Variants in SCAMP4 observed in about 807,000 individuals in gnomAD.
SCAMP4 encodes the protein secretory carrier-associated membrane protein 4.
Under a neutral mutation model 32.1 loss-of-function variants are expected in SCAMP4, and 19 were observed. That is an observed-to-expected ratio of 0.59 (90% CI 0.41 to 0.87). The LOEUF is 0.87. Among genes scored for constraint, SCAMP4 ranks in the 40% least tolerant of loss-of-function variants. SCAMP4 has a pLI of 0.00. For missense variants in SCAMP4, 302 were observed against 309.0 expected (o/e 0.98, Z 0.17); for synonymous variants, 152 against 132.7 (o/e 1.15, Z -1.00).
Position 1,924,059 on chromosome 19 carries a change from C to T in SCAMP4, c.514-49C>T, listed in dbSNP as rs548346276. ...ACAGGCGTGAGTCCCCGTGCCCGGC[C>T]GCCATGCTCATTTTCTGTCTTCTGC... On this transcript the variant is annotated intron_variant, in intron 6 of 6. Transcript: ENST00000316097. 4.6e-5 allele frequency: 71 copies of T among 1,541,584 alleles called. 3 individuals carry two copies. In the South Asian group the frequency reaches 5.3e-4, roughly 12 times the overall value.
intron 1 of SCAMP4, chr19:1,912,067 T>G: frequency 7.0e-7 from 1 of 1,438,134 alleles, no homozygotes; most frequent in East Asian, 2.8e-5. Flanking sequence ...TGCTCCCGTC[T>G]CTGTCTCCCA....
In SCAMP4 at chr19:1,925,942, C is replaced by CT. The variant is rs1178919658; in HGVS notation, c.*1658_*1659insT. ...CCCACCCCTCCCCCGCCGTGTGTGG[C>CT]CCCTCGCCGCATCGTTGGGGTTTTG... On this transcript the variant is annotated 3_prime_UTR_variant, in exon 7 of 7. Transcript: ENST00000316097. The CT allele has an allele frequency of 2.7e-5, 3 of 109,624 alleles. No individual in the cohort carries two copies. The highest frequency in any genetic ancestry group is 5.2e-5 in the Non-Finnish European group (3 of 58,144). 6.8% of individuals were successfully genotyped at this position (109,624 alleles called of 1,614,324 possible). A position where few individuals can be genotyped will look rare whatever the true frequency, so the allele number is the denominator to read the frequency against.
In SCAMP4 at chr19:1,917,842, G is replaced by A. The variant is rs749737677; in HGVS notation, c.136+20G>A. On this transcript the variant is annotated intron_variant, in intron 3 of 6. Coordinates refer to ENST00000316097, the MANE Select transcript of SCAMP4 (RefSeq NM_079834.4). ...GGATGTGTGAGTGCGCCTGGGGGCA[G>A]GAGGCGGGAAGCGGGAGGCAGGGCT... 1 of 1,613,124 alleles carries A rather than the reference G, an allele frequency of 6.2e-7. No individual in the cohort carries two copies. The highest frequency in any genetic ancestry group is 1.1e-5 in the South Asian group (1 of 91,062).
intron 1 of SCAMP4, chr19:1,912,024 C>A: frequency 1.4e-6 from 2 of 1,417,352 alleles, no homozygotes; most frequent in Non-Finnish European, 9.2e-7. Flanking sequence ...CCCCGGCTCT[C>A]CCCCAGCCGC....
intron 5 of SCAMP4, chr19:1,921,106 T>G (rs2013906096): frequency 1.0e-6 from 1 of 985,262 alleles, no homozygotes. Flanking sequence ...CGACTTCATG[T>G]CCACCGTTGG....
chr19:1,905,552 A>C, intron 1 of SCAMP4, 113 bp downstream of exon 1: 1 of 310,348 alleles, frequency 3.2e-6, no homozygotes. Context: ...GTTTGTGGGG[A>C]GAAAACGGGG....
intron 5 of SCAMP4, chr19:1,922,729 C>G (rs1029910200): frequency 3.0e-6 from 3 of 1,009,840 alleles, no homozygotes; most frequent in Non-Finnish European, 3.5e-6. Flanking sequence ...GCCGGACTCA[C>G]TGAGGGAAAC....
chr19:1,905,908 CCATCGTTCCT>C (rs1401663285), intron 1 of SCAMP4: 3 of 152,274 alleles, frequency 2.0e-5, no homozygotes, highest in African/African-American at 4.8e-5. Flanking sequence ...CCAGAATTGA[CCATCGTTCCT>C]CATCGTTACC....
chr19:1,910,876 T>A (rs1191369148), intron 1 of SCAMP4, among the ~76,000 whole-genome samples: 2 of 148,300 alleles, frequency 1.3e-5, no homozygotes, highest in Non-Finnish European at 3.0e-5. Context: ...CGCCTGGCTT[T>A]TTTGTTGTTT....
intron 2 of SCAMP4, 109 bp downstream of exon 2, chr19:1,915,135 C>T: frequency 1.5e-6 from 2 of 1,325,824 alleles, no homozygotes; most frequent in Non-Finnish European, 2.2e-6. Context: ...GTCCTCCTGG[C>T]CCACCTGGCC....
intron 1 of SCAMP4, 127 bp downstream of exon 1, chr19:1,905,566 C>T: frequency 4.0e-6 from 1 of 248,296 alleles, no homozygotes; most frequent in South Asian, 3.3e-5. Flanking sequence ...AACGGGGGGC[C>T]CAGGCCAGCC....
intron 5 of SCAMP4, chr19:1,921,202 C>T (rs2013909492): frequency 1.0e-6 from 1 of 984,750 alleles, no homozygotes; most frequent in Non-Finnish European, 1.2e-6. Flanking sequence ...TTCACCAGCG[C>T]CACCTCCCCA....
chr19:1,912,414 G>T, intron 1 of SCAMP4: 1 of 1,513,592 alleles, frequency 6.6e-7, no homozygotes, highest in Non-Finnish European at 8.8e-7. Flanking sequence ...GCGCTCGCTG[G>T]CTGAGCTCCT....
chr19:1,921,950 A>G, intron 5 of SCAMP4: 3 of 985,482 alleles, frequency 3.0e-6, no homozygotes, highest in Non-Finnish European at 3.6e-6. Flanking sequence ...GTGCGTGCAT[A>G]TCACGCCCCG....
chr19:1,921,551 A>C, intron 5 of SCAMP4: 3 of 985,402 alleles, frequency 3.0e-6, no homozygotes, highest in Non-Finnish European at 3.6e-6. Flanking sequence ...GCCTCCCTAG[A>C]CCTGACACTT....
At chr19:1,917,920 G>A (rs554041413) in intron 3 of SCAMP4, 98 bp downstream of exon 3, 32 of 1,508,390 alleles carry the variant, frequency 2.1e-5, no homozygotes, top group African/African-American at 9.6e-5. Flanking sequence ...GGGGCCCACC[G>A]TCTACTGAAG....
rs1204669712 is a variant in SCAMP4 at position 1,918,129 on chromosome 19, T to C, written c.139T>C (p.Tyr47His). The C allele has an allele frequency of 6.2e-7, 1 of 1,609,994 alleles. No individual in the cohort carries two copies. Among genetic ancestry groups the C allele is most frequent in the East Asian group, 2.2e-5 (1 of 44,830 alleles). The part of the protein sequence containing the change: ...VKRIYRLWMF[Y>H]CATLGVNLIA... ...CCGTCCTCCCTCTCTCTTCGCAGTT[T>C]ACTGCGCCACCCTCGGCGTCAACCT... Residue 47 changes from tyrosine (Y) to histidine (H), a missense_variant and splice_region_variant, in exon 4 of 7, where the codon TAC (tyrosine) becomes CAC (histidine). Coordinates refer to ENST00000316097, the MANE Select transcript of SCAMP4 (RefSeq NM_079834.4).
chr19:1,911,707 C>G (rs1013315653), intron 1 of SCAMP4, among the ~76,000 whole-genome samples: 2 of 152,244 alleles, frequency 1.3e-5, no homozygotes, highest in South Asian at 2.1e-4. Flanking sequence ...AGCTTGAACC[C>G]GGGAGGCGGA....
intron 5 of SCAMP4, 43 bp from the exon 6 acceptor site, chr19:1,923,027 C>G (rs184695514): frequency 1.0e-5 from 15 of 1,493,752 alleles, no homozygotes; most frequent in Non-Finnish European, 1.3e-5. Flanking sequence ...GGCCCTCATC[C>G]AGCAGGTGTG....
Sources: gnomAD v4.1 joint callset for allele counts (sites outside exome capture counted in the v4.1 genomes callset) on GRCh38, gnomAD v4.1.1 for gene constraint, MANE v1.5 for transcripts, NCBI Gene and HGNC (gene_info 2026-07-23, HGNC 2026-07-21) for gene names.